The following KCNH8 variants were observed in gnomAD, a reference collection of about 807,000 sequenced individuals.
KCNH8 encodes the protein potassium voltage-gated channel subfamily H member 8.
Under a neutral mutation model 103.6 loss-of-function variants are expected in KCNH8, and 70 were observed. The ratio of observed to expected loss-of-function variants is 0.68; its 90% CI spans 0.56 to 0.82. The LOEUF is 0.82. Ranked by LOEUF, KCNH8 falls within the 40% of genes least tolerant of loss-of-function variation. KCNH8 has a pLI of 0.00. For synonymous variants in KCNH8, 498 were observed against 489.4 expected, an observed-to-expected ratio of 1.02 and a Z score of -0.23; for missense variants, 1,217 against 1,329.9, an observed-to-expected ratio of 0.92 and a Z score of 1.32.
intron 6 of KCNH8, chr3:19,391,844 A>C (rs2066442222): frequency 6.6e-6 from 1 of 151,998 alleles, no homozygotes; most frequent in Non-Finnish European, 1.5e-5. Flanking sequence ...TGACTAGATA[A>C]GTGTACCATC....
At chr3:19,326,356 AATATAT>A (rs34714826) in intron 3 of KCNH8, among the ~76,000 whole-genome samples, 1,974 of 135,746 alleles carry the variant, frequency 0.015, 64 homozygotes, top group African/African-American at 0.045. Flanking sequence ...ATGAAAGTTA[AATATAT>A]ATATATATAT....
chr3:19,318,662 T>TGTACACACACAC (rs1491117852), intron 3 of KCNH8, among the ~76,000 whole-genome samples: 6 of 142,564 alleles, frequency 4.2e-5, no homozygotes, highest in African/African-American at 1.5e-4. Context: ...TGTGTGTGTG[T>TGTACACACACAC]ACACACACAC....
chr3:19,443,711 A>G (rs2067316901), intron 8 of KCNH8, among the ~76,000 whole-genome samples: 1 of 152,004 alleles, frequency 6.6e-6, no homozygotes, highest in Non-Finnish European at 1.5e-5. Flanking sequence ...AGCGAATTCA[A>G]TAATGTTTAT....
chr3:19,466,649 ATTTTTTTTTTTT>A (rs869048680), intron 11 of KCNH8, among the ~76,000 whole-genome samples: 26 of 50,644 alleles, frequency 5.1e-4, no homozygotes, highest in African/African-American at 2.3e-3. Flanking sequence ...GTAGCAATAC[ATTTTTTTTTTTT>A]TTTTTTTTTT....
chr3:19,175,305 T>G (rs1267341915), intron 1 of KCNH8, among the ~76,000 whole-genome samples: 1 of 150,188 alleles, frequency 6.7e-6, no homozygotes, highest in Non-Finnish European at 1.5e-5. Flanking sequence ...CCCTGCAAGC[T>G]CCGCCTCCCG....
At chr3:19,226,940 C>T (rs552646720) in intron 1 of KCNH8, among the ~76,000 whole-genome samples, 1 of 152,326 alleles carries the variant, frequency 6.6e-6, no homozygotes, top group African/African-American at 2.4e-5. Context: ...TCTGACTTGT[C>T]CACTAGACCT....
intron 11 of KCNH8, among the ~76,000 whole-genome samples, chr3:19,488,550 G>A (rs1052542569): frequency 5.9e-5 from 9 of 152,234 alleles, no homozygotes; most frequent in South Asian, 4.1e-4. Context: ...GTGTACATAC[G>A]GTAAGCCTCA....
At chr3:19,407,653 C>A (rs566059686) in intron 7 of KCNH8, among the ~76,000 whole-genome samples, 1 of 152,024 alleles carries the variant, frequency 6.6e-6, no homozygotes, top group African/African-American at 2.4e-5. Context: ...TGCAGTGAGA[C>A]CCTCTCTGCT....
chr3:19,401,959 G>T (rs2066619245), intron 7 of KCNH8, among the ~76,000 whole-genome samples: 1 of 151,872 alleles, frequency 6.6e-6, no homozygotes, highest in African/African-American at 2.4e-5. Flanking sequence ...ACCTAGAAAG[G>T]AATGAACCTA....
intron 7 of KCNH8, among the ~76,000 whole-genome samples, chr3:19,409,885 G>C (rs552184230): frequency 3.7e-4 from 57 of 152,046 alleles, no homozygotes; most frequent in Non-Finnish European, 7.1e-4. Context: ...AGAACTTCTA[G>C]AACTACAAAA....
chr3:19,362,821 G>C (rs34924369), intron 5 of KCNH8, among the ~76,000 whole-genome samples: 35,620 of 151,920 alleles, frequency 0.23, 4,588 homozygotes, highest in Middle Eastern at 0.31. Flanking sequence ...ATCACGCCTG[G>C]CTAATTTTGT....
At chr3:19,379,575 G>A (rs1021762830) in intron 5 of KCNH8, among the ~76,000 whole-genome samples, 3 of 152,036 alleles carry the variant, frequency 2.0e-5, no homozygotes, top group African/African-American at 7.2e-5. Flanking sequence ...GGGAGGTGGA[G>A]GTTGCAGTGA....
intron 1 of KCNH8, among the ~76,000 whole-genome samples, chr3:19,236,476 C>A (rs1315368091): frequency 2.0e-5 from 3 of 152,084 alleles, no homozygotes; most frequent in Non-Finnish European, 4.4e-5. Context: ...AGAAGGAAAA[C>A]CCTGGTATGT....
chr3:19,305,269 A>T (rs2065115576), intron 3 of KCNH8, among the ~76,000 whole-genome samples: 1 of 152,160 alleles, frequency 6.6e-6, no homozygotes, highest in Admixed American at 6.5e-5. Flanking sequence ...ATAAAGTCAA[A>T]GGTAGAAAAA....
intron 5 of KCNH8, among the ~76,000 whole-genome samples, chr3:19,358,159 TCTTC>T (rs2065903619): frequency 7.1e-6 from 1 of 141,686 alleles, no homozygotes; most frequent in Non-Finnish European, 1.5e-5. Context: ...TTCCTTCCTT[TCTTC>T]CTTCCTTTTC....
At chr3:19,490,509 T>C (rs774994774) in intron 11 of KCNH8, among the ~76,000 whole-genome samples, 1 of 152,194 alleles carries the variant, frequency 6.6e-6, no homozygotes, top group Admixed American at 6.5e-5. Context: ...CACAGTGCTT[T>C]TCCATACAAT....
intron 2 of KCNH8, among the ~76,000 whole-genome samples, chr3:19,273,446 T>C (rs546136970): frequency 6.6e-6 from 1 of 152,276 alleles, no homozygotes; most frequent in Non-Finnish European, 1.5e-5. Context: ...CCTTCTTTTC[T>C]CCAGAGGATC....
chr3:19,184,347 T>C (rs752139023), intron 1 of KCNH8, among the ~76,000 whole-genome samples: 1 of 151,996 alleles, frequency 6.6e-6, no homozygotes, highest in African/African-American at 2.4e-5. Flanking sequence ...GTATACTGTT[T>C]ATAGACATAG....
intron 7 of KCNH8, among the ~76,000 whole-genome samples, chr3:19,397,692 C>T (rs1188678701): frequency 2.6e-5 from 4 of 151,368 alleles, no homozygotes; most frequent in East Asian, 2.0e-4. Flanking sequence ...TAAAAATGAC[C>T]GAAAATTTAT....
Sources: allele counts gnomAD v4.1 joint callset (sites outside exome capture counted in the v4.1 genomes callset), GRCh38; gene constraint gnomAD v4.1.1; transcripts MANE v1.5; gene names NCBI Gene and HGNC (gene_info 2026-07-23, HGNC 2026-07-21).